The following TDRD9 variants were observed in gnomAD, a reference collection of about 807,000 sequenced individuals.
TDRD9 encodes the protein ATP-dependent RNA helicase TDRD9.
TDRD9 carries 124 observed loss-of-function variants against 172.6 expected under a neutral mutation model. The ratio of observed to expected loss-of-function variants is 0.72; its 90% confidence interval spans 0.62 to 0.83. The LOEUF is 0.83. Among genes scored for constraint, TDRD9 ranks in the 40% least tolerant of loss-of-function variants. The pLI, the probability that TDRD9 is intolerant of heterozygous loss-of-function variation, is 0.00. For missense variants in TDRD9, 1,479 were observed against 1,714.1 expected, an observed-to-expected ratio of 0.86 and a Z score of 2.42; for synonymous variants, 619 against 617.1, an observed-to-expected ratio of 1.00 and a Z score of -0.05.
chr14:103,995,054 T>C (rs893872762), intron 11 of TDRD9, among the ~76,000 whole-genome samples: 20 of 152,218 alleles, frequency 1.3e-4, no homozygotes, highest in South Asian at 4.1e-4. Flanking sequence ...GGTATGTTGT[T>C]TAGTTTTGTG....
chr14:104,002,785 G>A (rs2034306906), intron 13 of TDRD9, among the ~76,000 whole-genome samples: 1 of 151,036 alleles, frequency 6.6e-6, no homozygotes, highest in Non-Finnish European at 1.5e-5. Flanking sequence ...AGGCTGGAGT[G>A]CAGTGGCGTG....
At chr14:104,024,978 A>G (rs1036382620) in intron 25 of TDRD9, among the ~76,000 whole-genome samples, 1 of 152,116 alleles carries the variant, frequency 6.6e-6, no homozygotes, top group Non-Finnish European at 1.5e-5. Context: ...ATGTTAGAGG[A>G]AAAAAAAGTG....
At chr14:104,021,510 T>C (rs778268595) in intron 23 of TDRD9, among the ~76,000 whole-genome samples, 2 of 152,124 alleles carry the variant, frequency 1.3e-5, no homozygotes, top group Non-Finnish European at 2.9e-5. Context: ...CGGGCCAACA[T>C]GGTGAAACCC....
In TDRD9 at chr14:104,035,456, G is replaced by T. The variant is rs77341068; in HGVS notation, c.3716+400G>T. Among the ~76,000 whole-genome samples the T allele has an allele frequency of 1.1e-3, 173 of 152,320 alleles. 2 individuals carry two copies. The East Asian group carries it at 0.033, about 29-fold the overall frequency. On this transcript the variant is annotated intron_variant, in intron 32 of 35. Coordinates refer to ENST00000409874, the MANE Select transcript of TDRD9 (RefSeq NM_153046.3). ...CAGTCCCCCTTCTTGTGGTAACCATGACATCAGAAGGCAGATTGCCCAGCA... is the reference window on the plus strand; with the variant it reads ...CAGTCCCCCTTCTTGTGGTAACCATTACATCAGAAGGCAGATTGCCCAGCA...
chr14:104,034,199 T>TC, intron 31 of TDRD9, 130 bp downstream of exon 31: 1 of 558,618 alleles, frequency 1.8e-6, no homozygotes, highest in East Asian at 2.9e-5. Context: ...TTTTCTTTTT[T>TC]TTTTTTTTTG....
intron 13 of TDRD9, 54 bp downstream of exon 13, chr14:103,998,782 A>G: frequency 1.1e-6 from 1 of 890,086 alleles, no homozygotes; most frequent in Non-Finnish European, 1.8e-6. Context: ...ACAGTGGCAC[A>G]TTCAGGTGCT....
At chr14:104,031,351 G>GT in intron 29 of TDRD9, 88 bp downstream of exon 29, 9 of 1,211,286 alleles carry the variant, frequency 7.4e-6, no homozygotes, top group South Asian at 3.2e-5. Flanking sequence ...AGTCATGGTG[G>GT]TTTTTTCTTT....
chr14:103,953,901 C>G (rs990389386), intron 1 of TDRD9, among the ~76,000 whole-genome samples: 1 of 152,212 alleles, frequency 6.6e-6, no homozygotes, highest in Non-Finnish European at 1.5e-5. Flanking sequence ...ACTCAGCCTA[C>G]TGATTCAAAT....
chr14:103,929,568 G>A (rs2030230074), intron 1 of TDRD9, among the ~76,000 whole-genome samples: 1 of 151,468 alleles, frequency 6.6e-6, no homozygotes, highest in South Asian at 2.1e-4. Context: ...TACCCAGGCT[G>A]GAGTGGAGTG....
chr14:103,956,149 T>TATATATAA (rs1566738502), intron 2 of TDRD9, among the ~76,000 whole-genome samples: 4 of 102,066 alleles, frequency 3.9e-5, no homozygotes, highest in Non-Finnish European at 5.6e-5. Flanking sequence ...TATATATATA[T>TATATATAA]AATTATTAGG....
At chr14:104,040,810 C>T (rs955466211) in intron 33 of TDRD9, among the ~76,000 whole-genome samples, 3 of 152,330 alleles carry the variant, frequency 2.0e-5, no homozygotes, top group South Asian at 4.1e-4. Flanking sequence ...GTCTGGGCAC[C>T]GCACTAGCTC....
At chr14:103,995,715 T>A in intron 11 of TDRD9, 35 bp from the exon 12 acceptor site, 1 of 1,558,636 alleles carries the variant, frequency 6.4e-7, no homozygotes, top group East Asian at 2.3e-5. Flanking sequence ...CGGAATATAG[T>A]AGGAATGTCA....
chr14:104,020,443 C>T (rs1011606159), intron 23 of TDRD9, among the ~76,000 whole-genome samples: 1 of 152,132 alleles, frequency 6.6e-6, no homozygotes, highest in Admixed American at 6.5e-5. Context: ...GCTTTCCAGC[C>T]TGGATGCTGG....
chr14:104,028,131 T>C (rs1196377394), intron 28 of TDRD9, among the ~76,000 whole-genome samples: 1 of 152,240 alleles, frequency 6.6e-6, no homozygotes. Context: ...ATCTTGACTA[T>C]TGTGACCACT....
chr14:103,970,877 A>G (rs926811478), intron 6 of TDRD9, among the ~76,000 whole-genome samples: 2 of 152,194 alleles, frequency 1.3e-5, no homozygotes, highest in Non-Finnish European at 2.9e-5. Flanking sequence ...TGCCATGTAA[A>G]TAGTTGCTAT....
At chr14:104,029,958 T>C (rs940955962) in intron 28 of TDRD9, among the ~76,000 whole-genome samples, 1 of 152,194 alleles carries the variant, frequency 6.6e-6, no homozygotes, top group Non-Finnish European at 1.5e-5. Flanking sequence ...TTGAAGCTCA[T>C]GTTGAAGGTC....
At chr14:104,032,854 C>T (rs2146241) in intron 30 of TDRD9, among the ~76,000 whole-genome samples, 77,999 of 151,908 alleles carry the variant, frequency 0.51, 21,379 homozygotes, top group South Asian at 0.63. Context: ...ATGAAAGCAT[C>T]TAGGGGGCCC....
intron 1 of TDRD9, among the ~76,000 whole-genome samples, chr14:103,947,879 A>G (rs2152123117): frequency 6.6e-6 from 1 of 152,338 alleles, no homozygotes; most frequent in South Asian, 2.1e-4. Context: ...TTGGACTTGA[A>G]AGATTTGTAT....
At chr14:103,977,422 G>A (rs1027306731) in intron 7 of TDRD9, among the ~76,000 whole-genome samples, 41 of 150,020 alleles carry the variant, frequency 2.7e-4, no homozygotes, top group African/African-American at 9.6e-4. Flanking sequence ...GAACCCGGGA[G>A]GCGGAGCTTG....
Sources: gnomAD v4.1 joint callset for allele counts (sites outside exome capture counted in the v4.1 genomes callset) on GRCh38, gnomAD v4.1.1 for gene constraint, MANE v1.5 for transcripts, NCBI Gene and HGNC (gene_info 2026-07-23, HGNC 2026-07-21) for gene names.